The following BABAM2 variants were observed in gnomAD, a reference collection of about 807,000 sequenced individuals.
The protein encoded by BABAM2 is BRISC and BRCA1 A complex member 2.
In BABAM2, 31 loss-of-function variants were observed where a neutral mutation model predicts 54.7. The ratio of observed to expected loss-of-function variants is 0.57; its 90% CI spans 0.43 to 0.77. The LOEUF (loss-of-function observed/expected upper bound fraction) is 0.77. Among genes scored for constraint, BABAM2 ranks in the 30% least tolerant of loss-of-function variants. The pLI, the probability that BABAM2 is intolerant of heterozygous loss-of-function variation, is 0.00. For synonymous variants in BABAM2, 167 were observed against 162.9 expected, an observed-to-expected ratio of 1.03 and a Z score of -0.19; for missense variants, 364 against 455.8, an observed-to-expected ratio of 0.80 and a Z score of 1.83.
At chr2:28,243,320 T>A (rs985502070) in intron 9 of BABAM2, among the ~76,000 whole-genome samples, 19 of 151,836 alleles carry the variant, frequency 1.3e-4, no homozygotes, top group Middle Eastern at 3.2e-3. Flanking sequence ...GATCATGAGG[T>A]CAGGAGTTCG....
chr2:28,024,592 C>G (rs999173508), intron 4 of BABAM2, among the ~76,000 whole-genome samples: 3 of 152,164 alleles, frequency 2.0e-5, no homozygotes, highest in Admixed American at 1.3e-4. Context: ...GCTGAACTAG[C>G]TGCTTTTTTC....
intron 2 of BABAM2, among the ~76,000 whole-genome samples, chr2:27,905,845 G>A (rs538604095): frequency 2.0e-5 from 3 of 152,268 alleles, no homozygotes; most frequent in South Asian, 2.1e-4. Context: ...GCAAATCTAC[G>A]GAGGTAGGAG....
chr2:28,131,067 A>ATTTTTTT (rs1375422651), intron 7 of BABAM2, among the ~76,000 whole-genome samples: 3 of 1,670 alleles, frequency 1.8e-3, no homozygotes, highest in East Asian at 0.02. Flanking sequence ...TATTATTATT[A>ATTTTTTT]TTATTATTAT....
intron 3 of BABAM2, among the ~76,000 whole-genome samples, chr2:27,934,930 G>C (rs1234061441): frequency 2.0e-5 from 3 of 152,234 alleles, no homozygotes; most frequent in Non-Finnish European, 4.4e-5. Context: ...CTATCACACA[G>C]AAGTGCAAGG....
intron 5 of BABAM2, among the ~76,000 whole-genome samples, chr2:28,039,741 CA>C (rs1260557214): frequency 6.6e-6 from 1 of 152,236 alleles, no homozygotes; most frequent in East Asian, 1.9e-4. Flanking sequence ...TTACCAAAAG[CA>C]AAGCTTAGAC....
At chr2:28,147,751 G>A (rs1417641912) in intron 7 of BABAM2, among the ~76,000 whole-genome samples, 2 of 152,196 alleles carry the variant, frequency 1.3e-5, no homozygotes, top group Admixed American at 1.3e-4. Context: ...GGGATAACAG[G>A]CGTGAGCCAC....
intron 10 of BABAM2, among the ~76,000 whole-genome samples, chr2:28,274,465 T>C (rs1322615722): frequency 2.0e-5 from 3 of 152,198 alleles, no homozygotes; most frequent in Non-Finnish European, 2.9e-5. Context: ...TCTCATTCTG[T>C]TGTCAGGACC....
chr2:27,915,535 A>G (rs950447339), intron 2 of BABAM2, among the ~76,000 whole-genome samples: 2 of 152,132 alleles, frequency 1.3e-5, no homozygotes, highest in Non-Finnish European at 2.9e-5. Flanking sequence ...TCTAAGAACG[A>G]AATCCTTTCA....
intron 6 of BABAM2, among the ~76,000 whole-genome samples, chr2:28,079,019 G>A (rs1358873608): frequency 1.3e-5 from 2 of 152,144 alleles, no homozygotes; most frequent in South Asian, 4.1e-4. Flanking sequence ...TGTTATGTCA[G>A]CTGAACACAC....
rs569933951 is a variant in BABAM2 at position 28,067,230 on chromosome 2, C to T, written c.570+21431C>T. Among the ~76,000 whole-genome samples the T allele has an allele frequency of 4.6e-5, 7 of 152,332 alleles. No homozygotes were observed. In the East Asian group the frequency reaches 1.3e-3, roughly 29 times the overall value. On this transcript the variant is annotated intron_variant, in intron 6 of 11. Coordinates refer to ENST00000379624, the MANE Select transcript of BABAM2 (RefSeq NM_199191.3). The stretch of plus-strand genomic sequence containing the variant: ...TACAGGCGTGAGCCACTGCGCGTGG[C>T]CCTTGTGGACATGTTTTAAAACCAC...
At chr2:28,333,968 A>T (rs2148339739) in intron 11 of BABAM2, among the ~76,000 whole-genome samples, 1 of 152,368 alleles carries the variant, frequency 6.6e-6, no homozygotes, top group South Asian at 2.1e-4. Flanking sequence ...CAGCGTTTTA[A>T]AAAATCTATA....
intron 10 of BABAM2, among the ~76,000 whole-genome samples, chr2:28,267,424 GACAC>G (rs1050541833): frequency 1.4e-5 from 2 of 146,686 alleles, no homozygotes; most frequent in Non-Finnish European, 3.0e-5. Flanking sequence ...ACACTGACTA[GACAC>G]ACACACACAT....
chr2:28,111,134 A>ATTTTT (rs1334594801), intron 6 of BABAM2, among the ~76,000 whole-genome samples: 6 of 101,910 alleles, frequency 5.9e-5, no homozygotes, highest in Non-Finnish European at 9.6e-5. Context: ...ACGCCTGGCT[A>ATTTTT]TTTTTTTTTT....
chr2:28,142,447 A>T (rs955723235), intron 7 of BABAM2, among the ~76,000 whole-genome samples: 3 of 152,176 alleles, frequency 2.0e-5, no homozygotes, highest in Admixed American at 6.5e-5. Context: ...CAAACCATTA[A>T]TTTGAAGAAG....
intron 7 of BABAM2, among the ~76,000 whole-genome samples, chr2:28,135,906 G>A (rs1670493952): frequency 6.6e-6 from 1 of 152,124 alleles, no homozygotes; most frequent in Non-Finnish European, 1.5e-5. Context: ...GTTTATCCAT[G>A]TGGAACTGTC....
intron 11 of BABAM2, chr2:28,309,240 G>T (rs1029575599): frequency 6.6e-6 from 1 of 152,226 alleles, no homozygotes; most frequent in African/African-American, 2.4e-5. Flanking sequence ...TAGAGGCTGC[G>T]TGCGTCCTCT....
At chr2:28,077,473 C>A (rs1169046342) in intron 6 of BABAM2, among the ~76,000 whole-genome samples, 1 of 152,114 alleles carries the variant, frequency 6.6e-6, no homozygotes, top group East Asian at 1.9e-4. Context: ...TCACAAAAAA[C>A]TTGACATAGG....
At chr2:28,250,987 T>G (rs1217180679) in intron 10 of BABAM2, among the ~76,000 whole-genome samples, 1 of 152,200 alleles carries the variant, frequency 6.6e-6, no homozygotes, top group Non-Finnish European at 1.5e-5. Context: ...AGACTTTGAT[T>G]GCTGTGTTCC....
intron 3 of BABAM2, among the ~76,000 whole-genome samples, chr2:27,953,890 T>A (rs911360010): frequency 1.3e-5 from 2 of 151,936 alleles, no homozygotes; most frequent in African/African-American, 4.8e-5. Context: ...GTGAGGGGAA[T>A]AAAGAGACAG....
Sources: allele counts gnomAD v4.1 joint callset (sites outside exome capture counted in the v4.1 genomes callset), GRCh38; gene constraint gnomAD v4.1.1; transcripts MANE v1.5; gene names NCBI Gene and HGNC (gene_info 2026-07-23, HGNC 2026-07-21).